The following ATP8B1 variants were observed in gnomAD, a reference collection of about 807,000 sequenced individuals.
ATP8B1 encodes phospholipid-transporting ATPase IC.
In ATP8B1, 80 loss-of-function variants were observed where a neutral mutation model predicts 149.9. The ratio of observed to expected loss-of-function variants is 0.53; its 90% CI spans 0.45 to 0.64. ATP8B1 has a LOEUF of 0.64. ATP8B1 is among the 30% of genes least tolerant of loss of function. The probability of loss-of-function intolerance (pLI) is 0.00; values close to 1 mark genes in which losing one functional copy is unlikely to be tolerated. For synonymous variants in ATP8B1, 536 were observed against 562.8 expected, an observed-to-expected ratio of 0.95 and a Z score of 0.67; for missense variants, 1,247 against 1,552.6, an observed-to-expected ratio of 0.80 and a Z score of 3.31.
chr18:57,685,158 G>T, intron 13 of ATP8B1, 43 bp from the exon 14 acceptor site: 1 of 1,604,920 alleles, frequency 6.2e-7, no homozygotes, highest in Non-Finnish European at 8.5e-7. Flanking sequence ...CTACACCTAT[G>T]TCCAGAGGCC....
At chr18:57,798,494 C>G (rs2850240) in intron 1 of ATP8B1, among the ~76,000 whole-genome samples, 21,333 of 151,940 alleles carry the variant, frequency 0.14, 2,078 homozygotes, top group East Asian at 0.43. Context: ...CACTTGAGAG[C>G]CTGAGGTGGG....
chr18:57,706,234 T>G (rs1913383874), intron 3 of ATP8B1, among the ~76,000 whole-genome samples: 2 of 152,156 alleles, frequency 1.3e-5, no homozygotes, highest in South Asian at 4.1e-4. Context: ...CATAAAACAT[T>G]TCTAAGAGAG....
intron 24 of ATP8B1, among the ~76,000 whole-genome samples, chr18:57,653,270 T>C (rs1323986736): frequency 1.3e-5 from 2 of 149,428 alleles, no homozygotes; most frequent in Non-Finnish European, 3.0e-5. Context: ...TGCCTTTTTT[T>C]CCTTTTCTTT....
intron 1 of ATP8B1, among the ~76,000 whole-genome samples, chr18:57,774,336 G>A (rs1213457278): frequency 6.6e-6 from 1 of 152,232 alleles, no homozygotes; most frequent in Non-Finnish European, 1.5e-5. Context: ...AGTGGCTCAT[G>A]CCTATAATCC....
chr18:57,689,580 T>G (rs1397465359), intron 12 of ATP8B1, among the ~76,000 whole-genome samples: 1 of 152,232 alleles, frequency 6.6e-6, no homozygotes, highest in Non-Finnish European at 1.5e-5. Flanking sequence ...GTGCCTACTA[T>G]GTACCAGATA....
At chr18:57,720,853 T>C (rs62092579) in intron 2 of ATP8B1, among the ~76,000 whole-genome samples, 3,051 of 149,642 alleles carry the variant, frequency 0.02, 55 homozygotes, top group Middle Eastern at 0.09. Flanking sequence ...AGAGAAAGGT[T>C]GGGTTACCCT....
chr18:57,769,057 G>A (rs2080243546), intron 1 of ATP8B1, among the ~76,000 whole-genome samples: 1 of 152,196 alleles, frequency 6.6e-6, no homozygotes, highest in Admixed American at 6.6e-5. Flanking sequence ...TATCTTGATG[G>A]TGAGTGACAG....
chr18:57,667,428 A>C (rs1910940408), intron 19 of ATP8B1: 2 of 459,532 alleles, frequency 4.4e-6, no homozygotes, highest in African/African-American at 4.0e-5. Flanking sequence ...GGGTTTTGTC[A>C]TGTTTGCCAG....
chr18:57,801,004 C>T (rs1049779913), intron 1 of ATP8B1, among the ~76,000 whole-genome samples: 3 of 152,044 alleles, frequency 2.0e-5, no homozygotes, highest in Non-Finnish European at 2.9e-5. Flanking sequence ...CTTCTTTTTG[C>T]GAAGCCATTT....
Position 57,668,499 on chromosome 18 carries a change from T to C in ATP8B1, c.2139A>G (p.Gly713=). 5 of 1,607,414 alleles carry C rather than the reference T, an allele frequency of 3.1e-6. No homozygotes were observed. The highest frequency in any genetic ancestry group is 4.2e-6 in the Non-Finnish European group (5 of 1,178,338). ...ATAIEDKLQD[G]VPETISKLAK... is the part of the protein sequence containing the mutation. ...CAAGTTTTGAAATGGTTTCTGGAAC[T>C]CCATCCTGTAGCTTGTCTTCAATAG... Residue 713 remains glycine, a synonymous_variant, in exon 19 of 28, where the codon GGA becomes GGG. Coordinates refer to ENST00000648908, the MANE Select transcript of ATP8B1 (RefSeq NM_001374385.1).
intron 1 of ATP8B1, among the ~76,000 whole-genome samples, chr18:57,759,209 G>C (rs914501763): frequency 2.0e-5 from 3 of 147,164 alleles, no homozygotes; most frequent in African/African-American, 7.5e-5. Flanking sequence ...ACGATGGCTT[G>C]CTTCCCTTTC....
chr18:57,745,214 A>C (rs976010770), intron 1 of ATP8B1, among the ~76,000 whole-genome samples: 1 of 152,128 alleles, frequency 6.6e-6, no homozygotes, highest in South Asian at 2.1e-4. Context: ...TGAAGCAATC[A>C]CCTCATTTAC....
intron 1 of ATP8B1, among the ~76,000 whole-genome samples, chr18:57,758,584 G>T (rs758105211): frequency 2.5e-4 from 38 of 149,150 alleles, no homozygotes; most frequent in Non-Finnish European, 4.4e-4. Context: ...GGAGGCAGAG[G>T]TTGTGGTGAG....
intron 1 of ATP8B1, among the ~76,000 whole-genome samples, chr18:57,755,985 A>T (rs1420111620): frequency 6.6e-6 from 1 of 151,936 alleles, no homozygotes; most frequent in Non-Finnish European, 1.5e-5. Flanking sequence ...CTTCAGGGGT[A>T]GTCTCTCACA....
chr18:57,697,577 C>T, intron 8 of ATP8B1, 41 bp downstream of exon 8: 1 of 1,603,146 alleles, frequency 6.2e-7, no homozygotes. Flanking sequence ...AATGTGCCTT[C>T]AAAGGCCAGC....
rs563332506 is a variant in ATP8B1 at position 57,784,988 on chromosome 18, G to A, written c.-26+18010C>T. On this transcript the variant is annotated intron_variant, in intron 1 of 27. Coordinates refer to ENST00000648908, the MANE Select transcript of ATP8B1 (RefSeq NM_001374385.1). This position sits in a 1 kb window ranked among gnomAD's most constrained non-coding sequence, Gnocchi z 4.4. ...ACAAAGTCTTTAATAAACTGGTGCC[G>A]GTCTTCTGTCTCAAAAAGTTCACGG... Among the ~76,000 whole-genome samples, 4 of 152,220 alleles carry A rather than the reference G, an allele frequency of 2.6e-5. No individual in the cohort carries two copies. The highest frequency in any genetic ancestry group is 2.4e-5 in the African/African-American group (1 of 41,538).
chr18:57,658,586 T>G (rs1296158938), intron 22 of ATP8B1, among the ~76,000 whole-genome samples: 1 of 151,894 alleles, frequency 6.6e-6, no homozygotes, highest in Non-Finnish European at 1.5e-5. Flanking sequence ...TTTTTGACAC[T>G]TGAATAATTT....
chr18:57,713,959 G>A (rs1180350036), intron 2 of ATP8B1, among the ~76,000 whole-genome samples: 1 of 152,042 alleles, frequency 6.6e-6, no homozygotes, highest in African/African-American at 2.4e-5. Flanking sequence ...TGGCCACAGT[G>A]GGGTAAAGCA....
intron 1 of ATP8B1, among the ~76,000 whole-genome samples, chr18:57,775,597 G>T (rs1292594178): frequency 6.6e-6 from 1 of 150,968 alleles, no homozygotes; most frequent in Non-Finnish European, 1.5e-5. Context: ...TAGAGCAAGA[G>T]ATTCTGTCAG....
Sources: gnomAD v4.1 joint callset for allele counts (sites outside exome capture counted in the v4.1 genomes callset) on GRCh38, gnomAD v4.1.1 for gene constraint, Gnocchi (gnomAD v3.1) non-coding constraint, MANE v1.5 for transcripts, NCBI Gene and HGNC (gene_info 2026-07-23, HGNC 2026-07-21) for gene names.